BLTP1: variants seen among roughly 807,000 people sequenced by gnomAD.
BLTP1 encodes bridge-like lipid transfer protein family member 1.
chr4:122,227,461 C>T, the BLTP1 span: 3 of 985,274 alleles, frequency 3.0e-6, no homozygotes, highest in Non-Finnish European at 2.4e-6. Flanking sequence ...ATTTTCTTCC[C>T]CTGATTTTGG....
the BLTP1 span, chr4:122,172,900 T>C: frequency 6.5e-7 from 1 of 1,526,834 alleles, no homozygotes; most frequent in African/African-American, 1.4e-5. Context: ...TTCTGGATTA[T>C]GAATGAAGAA....
chr4:122,335,578 T>A, the BLTP1 span, among the ~76,000 whole-genome samples: 1 of 152,154 alleles, frequency 6.6e-6, no homozygotes, highest in Non-Finnish European at 1.5e-5. Context: ...ACAAGGCACA[T>A]CTGTGTCCAT....
At chr4:122,220,455 C>T in the BLTP1 span, 4 of 1,610,466 alleles carry the variant, frequency 2.5e-6, no homozygotes, top group Non-Finnish European at 2.5e-6. Context: ...ATGTGTTTGT[C>T]AGTGATAACT....
chr4:122,304,285 C>T, the BLTP1 span, among the ~76,000 whole-genome samples: 6 of 152,126 alleles, frequency 3.9e-5, no homozygotes. Context: ...GATCTCGGCT[C>T]ACTGCAACCT....
the BLTP1 span, chr4:122,261,369 GT>G: frequency 2.0e-6 from 2 of 984,616 alleles, no homozygotes; most frequent in Non-Finnish European, 2.4e-6. Context: ...TTTGCTATGG[GT>G]TATTAAAGTC....
At chr4:122,227,083 A>G in the BLTP1 span, 1 of 552,232 alleles carries the variant, frequency 1.8e-6, no homozygotes, top group Non-Finnish European at 2.5e-6. Flanking sequence ...TTACATTTTT[A>G]CTGTTAACAT....
chr4:122,194,649 A>C, the BLTP1 span: 1 of 969,482 alleles, frequency 1.0e-6, no homozygotes, highest in African/African-American at 1.8e-5. Context: ...ATGCTTTAAC[A>C]TAGGGCCATG....
chr4:122,349,196 CAGT>C, the BLTP1 span: 1 of 1,612,310 alleles, frequency 6.2e-7, no homozygotes, highest in Non-Finnish European at 8.5e-7. The surrounding 1 kb of genome is among the most constrained non-coding windows in gnomAD (Gnocchi z 4.5). Flanking sequence ...GGCCGTCTGT[CAGT>C]AGGAAGTAAT....
chr4:122,303,150 CTT>C, the BLTP1 span, among the ~76,000 whole-genome samples: 2 of 152,184 alleles, frequency 1.3e-5, no homozygotes, highest in African/African-American at 4.8e-5. Flanking sequence ...CAGCTGGTGA[CTT>C]TAAGTGGAAG....
At chr4:122,234,282 A>G in the BLTP1 span, 1 of 348,638 alleles carries the variant, frequency 2.9e-6, no homozygotes, top group African/African-American at 2.2e-5. Context: ...TTTTAATTTT[A>G]TTGAGAAATA....
the BLTP1 span, chr4:122,235,274 A>G: frequency 2.2e-6 from 2 of 896,110 alleles, no homozygotes; most frequent in South Asian, 1.0e-4. Context: ...TCCTCACAGA[A>G]TTTTTTCTAA....
At chr4:122,170,220 C>T in the BLTP1 span, 7 of 384,584 alleles carry the variant, frequency 1.8e-5, no homozygotes, top group Non-Finnish European at 1.4e-5. Flanking sequence ...GCAGGAGAAT[C>T]GCTTGAAACT....
the BLTP1 span, among the ~76,000 whole-genome samples, chr4:122,188,762 AC>A: frequency 6.6e-6 from 1 of 151,828 alleles, no homozygotes; most frequent in Admixed American, 6.6e-5. Context: ...TGTAAAGGAT[AC>A]TCTGGTTGAA....
At chr4:122,353,959 C>T in the BLTP1 span, 553 of 1,613,072 alleles carry the variant, frequency 3.4e-4, 5 homozygotes, top group African/African-American at 6.7e-3. This position sits in a 1 kb window ranked among gnomAD's most constrained non-coding sequence, Gnocchi z 4.3. Context: ...AAAATCCACC[C>T]CATGGAGTAG....
the BLTP1 span, among the ~76,000 whole-genome samples, chr4:122,272,937 C>G: frequency 2.4e-4 from 37 of 152,092 alleles, no homozygotes; most frequent in East Asian, 7.2e-3. Context: ...TTATGTATCA[C>G]AAAGAAAATA....
the BLTP1 span, chr4:122,170,305 CAA>C: frequency 0.069 from 49,506 of 717,776 alleles, no homozygotes; most frequent in Non-Finnish European, 0.073. Context: ...AACTCCTTCT[CAA>C]AAAAAAAAAA....
chr4:122,352,377 T>TG, the BLTP1 span, among the ~76,000 whole-genome samples: 21 of 147,156 alleles, frequency 1.4e-4, no homozygotes, highest in East Asian at 4.0e-3. Context: ...TTTTTTTTTT[T>TG]GAGACAGGTT....
At chr4:122,280,034 A>G in the BLTP1 span, 1 of 1,609,084 alleles carries the variant, frequency 6.2e-7, no homozygotes, top group Non-Finnish European at 8.5e-7. Flanking sequence ...ACCTCAGGGT[A>G]TTCTTTGCTG....
chr4:122,268,188 T>TA, the BLTP1 span, among the ~76,000 whole-genome samples: 4 of 151,730 alleles, frequency 2.6e-5, no homozygotes, highest in Admixed American at 6.6e-5. Context: ...TATAGGGAAA[T>TA]AAAAAAAAGT....
Sources: allele counts gnomAD v4.1 joint callset (sites outside exome capture counted in the v4.1 genomes callset), GRCh38; gene constraint gnomAD v4.1.1; non-coding constraint Gnocchi (gnomAD v3.1); transcripts MANE v1.5; gene names NCBI Gene and HGNC (gene_info 2026-07-23, HGNC 2026-07-21).